TSPAN17: variants seen among roughly 807,000 people sequenced by gnomAD.
TSPAN17 encodes the protein tetraspanin-17.
Under a neutral mutation model 40.5 loss-of-function variants are expected in TSPAN17, and 33 were observed. That is an observed-to-expected ratio of 0.81 (90% CI 0.62 to 1.09). The LOEUF is 1.09. TSPAN17 is among the 50% of genes least tolerant of loss of function. The pLI, the probability that TSPAN17 is intolerant of heterozygous loss-of-function variation, is 0.00. For synonymous variants in TSPAN17, 166 were observed against 169.4 expected, an observed-to-expected ratio of 0.98 and a Z score of 0.15; for missense variants, 365 against 416.8, an observed-to-expected ratio of 0.88 and a Z score of 1.08.
intron 1 of TSPAN17, 40 bp downstream of exon 1, chr5:176,647,742 G>T (rs1307012536): frequency 6.6e-7 from 1 of 1,525,836 alleles, no homozygotes; most frequent in Non-Finnish European, 8.8e-7. Context: ...GCTGGGGGGT[G>T]GTGGGAGAGG....
Position 176,654,796 on chromosome 5 carries a change from C to T in TSPAN17, c.457-99C>T, listed in dbSNP as rs1761087764. On this transcript the variant is annotated intron_variant, in intron 4 of 8. Coordinates refer to ENST00000508164, the MANE Select transcript of TSPAN17 (RefSeq NM_130465.5). This position sits in a 1 kb window ranked among gnomAD's most constrained non-coding sequence, Gnocchi z 4.3. ...CCACTTGGCTGTCCCAGCCCTGTCCCAGACAGCCCTGTATTCCTGCAGCCT... is the reference window on the plus strand; with the variant it reads ...CCACTTGGCTGTCCCAGCCCTGTCCTAGACAGCCCTGTATTCCTGCAGCCT... The T allele has an allele frequency of 1.4e-6, 2 of 1,472,406 alleles. No individual in the cohort carries two copies. The highest frequency in any genetic ancestry group is 1.4e-5 in the African/African-American group (1 of 72,274). 91.2% of individuals were successfully genotyped at this position (1,472,406 alleles called of 1,614,324 possible).
intron 4 of TSPAN17, 35 bp downstream of exon 4, chr5:176,652,948 A>T (rs771612557): frequency 6.2e-7 from 1 of 1,608,432 alleles, no homozygotes; most frequent in Non-Finnish European, 8.5e-7. Context: ...CACCTGTAGG[A>T]GGCGCCTTCC....
intron 5 of TSPAN17, among the ~76,000 whole-genome samples, chr5:176,655,838 C>T (rs1324381320): frequency 1.3e-5 from 2 of 151,282 alleles, no homozygotes; most frequent in Admixed American, 6.6e-5. Flanking sequence ...GAGGTCGAAG[C>T]TGCAGTGAGC....
chr5:176,657,490 A>T lies in TSPAN17; in HGVS notation c.810-28A>T, dbSNP rs373775782. Reference sequence around the variant, plus strand: ...TCCCAGACTCTGAAATGGGTCCAAGAATTTTCTTTCTCTTGCTTGCCTCTC... The same window carrying T: ...TCCCAGACTCTGAAATGGGTCCAAGTATTTTCTTTCTCTTGCTTGCCTCTC... On this transcript the variant is annotated intron_variant, in intron 8 of 8. Transcript: ENST00000508164. 1,137 of 1,554,938 alleles carry T rather than the reference A, an allele frequency of 7.3e-4. 22 individuals are homozygous for T. The South Asian group carries it at 0.013, about 17-fold the overall frequency.
rs61753280 is a variant in TSPAN17, at chr5:176,656,924, C to T, written c.777C>T (p.Leu259=). Residue 259 remains leucine, a synonymous_variant, in exon 8 of 9, where the codon CTC becomes CTT. Coordinates refer to ENST00000508164, the MANE Select transcript of TSPAN17 (RefSeq NM_130465.5). ...TTGGCATCTGCCTGGCCCAGAACCT[C>T]GTGAGTGACATCAAGGCAGTGAAAG... ...QIFGICLAQN[L]VSDIKAVKAN... 2.3e-5 allele frequency: 37 copies of T among 1,614,146 alleles called. No homozygotes were observed. The highest frequency in any genetic ancestry group is 2.9e-5 in the Non-Finnish European group (34 of 1,180,004).
Position 176,657,671 on chromosome 5 carries a change from C to CGG in TSPAN17, c.963_964insGG (p.Pro322GlyfsTer22), listed in dbSNP as rs776778830. 1.3e-6 allele frequency: 2 copies of CGG among 1,580,092 alleles called. No individual in the cohort carries two copies. Among genetic ancestry groups the CGG allele is most frequent in the African/African-American group, 1.4e-5 (1 of 72,944 alleles). On this transcript the variant is annotated frameshift_variant, in exon 9 of 9. Transcript: ENST00000508164. LOFTEE classifies it high-confidence loss of function. ...TTTTCTTTGGCCTGGGTGGTTTATA[C>CGG]CCTGAGCCAACCTTTAAAAATTGGT...
Position 176,654,590 on chromosome 5 carries a change from CCT to C in TSPAN17, c.457-301_457-300del, listed in dbSNP as rs1290321956. ...GCCACAGGGCTTGGCCCAGCGCCTG[CCT>C]CTCAGGTAGTCTGGAGGAAGCCACA... On this transcript the variant is annotated intron_variant, in intron 4 of 8. Transcript: ENST00000508164. This position sits in a 1 kb window ranked among gnomAD's most constrained non-coding sequence, Gnocchi z 4.3. 3.0e-6 allele frequency: 1 copy of C among 335,268 alleles called. No individual in the cohort carries two copies. Among genetic ancestry groups the C allele is most frequent in the Non-Finnish European group, 5.6e-6 (1 of 178,970 alleles). The allele number at this position is 335,268 out of a possible 1,614,324, so 20.8% of individuals were successfully genotyped here. A position where few individuals can be genotyped will look rare whatever the true frequency, so the allele number is the denominator to read the frequency against.
At chr5:176,648,340 A>G (rs1325690237) in intron 1 of TSPAN17, among the ~76,000 whole-genome samples, 1 of 152,144 alleles carries the variant, frequency 6.6e-6, no homozygotes, top group African/African-American at 2.4e-5. Flanking sequence ...GGGGAACAGA[A>G]TTCAACATTC....
rs1761142046 is a variant in TSPAN17, at chr5:176,656,013, C to A, written c.583-65C>A. On this transcript the variant is annotated intron_variant, in intron 5 of 8. Transcript: ENST00000508164. ...TGAGAAGGAAAAGCCACCGCACTGC[C>A]CAGGTACCATGGACCCCATGGGATG... The A allele has an allele frequency of 4.0e-6, 6 of 1,509,066 alleles. No homozygotes were observed. In the South Asian group the frequency reaches 6.7e-5, roughly 17 times the overall value. The allele number at this position is 1,509,066 out of a possible 1,614,324, so 93.5% of individuals were successfully genotyped here. A position where few individuals can be genotyped will look rare whatever the true frequency, so the allele number is the denominator to read the frequency against.
intron 8 of TSPAN17, 95 bp from the exon 9 acceptor site, chr5:176,657,423 C>T (rs967672269): frequency 9.1e-5 from 139 of 1,530,930 alleles, no homozygotes; most frequent in Non-Finnish European, 1.2e-4. Flanking sequence ...TTTCTATGAG[C>T]TGTAACTTTG....
Position 176,654,878 on chromosome 5 carries a change from C to T in TSPAN17, c.457-17C>T, listed in dbSNP as rs374085307. The T allele has an allele frequency of 2.2e-5, 35 of 1,612,834 alleles. No individual in the cohort carries two copies. The African/African-American group carries it at 4.3e-4, about 20-fold the overall frequency. On this transcript the variant is annotated splice_polypyrimidine_tract_variant and intron_variant, in intron 4 of 8. Transcript: ENST00000508164. The surrounding 1 kb of genome is among the most constrained non-coding windows in gnomAD (Gnocchi z 4.3). ...GGATGGGCCTGGCTCACCTGGGGCT[C>T]TCCCCTGCCCCCACAGTGGTCTTGC...
In TSPAN17 at chr5:176,650,227, C is replaced by A. The variant is rs1333344189; in HGVS notation, c.88-1389C>A. Among the ~76,000 whole-genome samples, 3 of 151,958 alleles carry A rather than the reference C, an allele frequency of 2.0e-5. No homozygotes were observed. The highest frequency in any genetic ancestry group is 7.3e-5 in the African/African-American group (3 of 41,366). ...CTGGGTGGGGATCGGGAGATGCCAG[C>A]GTCATGATGGGATGGAAGACGAGCG... On this transcript the variant is annotated intron_variant, in intron 1 of 8. Coordinates refer to ENST00000508164, the MANE Select transcript of TSPAN17 (RefSeq NM_130465.5). The surrounding 1 kb of genome is among the most constrained non-coding windows in gnomAD (Gnocchi z 4.0).
chr5:176,655,954 A>G (rs1761139105), intron 5 of TSPAN17, 124 bp from the exon 6 acceptor site: 2 of 853,216 alleles, frequency 2.3e-6, no homozygotes, highest in Non-Finnish European at 4.0e-6. Context: ...AGACTGGTGG[A>G]CACGGCAGAA....
intron 4 of TSPAN17, 76 bp downstream of exon 4, chr5:176,652,989 T>G: frequency 1.3e-6 from 2 of 1,495,334 alleles, no homozygotes; most frequent in Non-Finnish European, 9.3e-7. Flanking sequence ...AAGTTCCCTG[T>G]GATGGGACCA....
At chr5:176,648,939 C>T (rs549962302) in intron 1 of TSPAN17, among the ~76,000 whole-genome samples, 54 of 152,266 alleles carry the variant, frequency 3.5e-4, no homozygotes, top group African/African-American at 1.2e-3. Flanking sequence ...GCCAAGGTGA[C>T]GGCTTAGTGG....
chr5:176,655,071 C>A (rs1489164117), intron 5 of TSPAN17, 51 bp downstream of exon 5: 7 of 1,551,904 alleles, frequency 4.5e-6, no homozygotes, highest in Non-Finnish European at 6.1e-6. Context: ...TGCACAGACT[C>A]TGGAGAAACC....
rs1760942452 is a variant in TSPAN17, at chr5:176,650,982, GC to G, written c.88-631del. On this transcript the variant is annotated intron_variant, in intron 1 of 8. Coordinates refer to ENST00000508164, the MANE Select transcript of TSPAN17 (RefSeq NM_130465.5). This position sits in a 1 kb window ranked among gnomAD's most constrained non-coding sequence, Gnocchi z 4.0. The stretch of plus-strand genomic sequence containing the variant: ...GGGGAGTCTAGCTGGTGTTCTGAAG[GC>G]CCAGGCAGAGCTGTGGCCATGGGGC... Among the ~76,000 whole-genome samples, 1 of 152,242 alleles carries G rather than the reference GC, an allele frequency of 6.6e-6. No individual in the cohort carries two copies.
rs762951210 is a variant in TSPAN17 at position 176,656,736 on chromosome 5, T to C, written c.667T>C (p.Cys223Arg). 8 of 1,614,198 alleles carry C rather than the reference T, an allele frequency of 5.0e-6. No homozygotes were observed. The highest frequency in any genetic ancestry group is 6.8e-6 in the Non-Finnish European group (8 of 1,180,014). ...EQQGFIHTKGCVGQFEKWLQD... is the reference protein window; with the variant it reads ...EQQGFIHTKGRVGQFEKWLQD... Reference sequence around the variant, plus strand: ...GCAGGGCTTCATCCACACCAAAGGCTGCGTGGGCCAGTTTGAGAAGTGGCT... The same window carrying C: ...GCAGGGCTTCATCCACACCAAAGGCCGCGTGGGCCAGTTTGAGAAGTGGCT... Residue 223 changes from cysteine (C) to arginine (R), a missense_variant, in exon 7 of 9, where the codon TGC (cysteine) becomes CGC (arginine). Physicochemically the swap from Cys to Arg is radical, Grantham distance 180. Transcript: ENST00000508164.
chr5:176,655,831 G>A (rs1050760359), intron 5 of TSPAN17, among the ~76,000 whole-genome samples: 1 of 151,584 alleles, frequency 6.6e-6, no homozygotes, highest in Non-Finnish European at 1.5e-5. Flanking sequence ...AGGCCAGGAG[G>A]TCGAAGCTGC....
Sources: allele counts gnomAD v4.1 joint callset (sites outside exome capture counted in the v4.1 genomes callset), GRCh38; gene constraint gnomAD v4.1.1; non-coding constraint Gnocchi (gnomAD v3.1); transcripts MANE v1.5; gene names NCBI Gene and HGNC (gene_info 2026-07-23, HGNC 2026-07-21).